The following GRIK2 variants were observed in gnomAD, a reference collection of about 807,000 sequenced individuals.
GRIK2 encodes glutamate ionotropic receptor kainate type subunit 2, also known as glutamate receptor ionotropic, kainate 2.
GRIK2 carries 32 observed loss-of-function variants against 100.3 expected under a neutral mutation model. That is an observed-to-expected ratio of 0.32 (90% CI 0.24 to 0.43). The LOEUF is 0.43. Ranked by LOEUF, GRIK2 falls within the 20% of genes least tolerant of loss-of-function variation. The pLI is 1.00. For missense variants in GRIK2, 843 were observed against 1,114.9 expected, an observed-to-expected ratio of 0.76 and a Z score of 3.47; for synonymous variants, 417 against 389.4, an observed-to-expected ratio of 1.07 and a Z score of -0.83.
intron 12 of GRIK2, among the ~76,000 whole-genome samples, chr6:101,895,747 ATAACT>A (rs1787399224): frequency 6.6e-6 from 1 of 151,782 alleles, no homozygotes; most frequent in East Asian, 1.9e-4. Context: ...TTTCCATAAC[ATAACT>A]TTAGATATAT....
intron 2 of GRIK2, among the ~76,000 whole-genome samples, chr6:101,605,418 T>G (rs1156666447): frequency 6.6e-6 from 1 of 152,008 alleles, no homozygotes; most frequent in Non-Finnish European, 1.5e-5. Context: ...TTTCTTTCCT[T>G]TTTTTCTTCG....
chr6:101,760,027 G>A (rs930157911), intron 7 of GRIK2, among the ~76,000 whole-genome samples: 98 of 137,268 alleles, frequency 7.1e-4, no homozygotes, highest in African/African-American at 2.9e-3. Context: ...CCGCCACCGC[G>A]CCCGGCTAAT....
At chr6:101,498,151 AATG>A (rs1290774034) in intron 2 of GRIK2, among the ~76,000 whole-genome samples, 2 of 149,390 alleles carry the variant, frequency 1.3e-5, no homozygotes, top group African/African-American at 5.0e-5. Context: ...GTTTACTGAG[AATG>A]ATGATTTCCA....
intron 14 of GRIK2, among the ~76,000 whole-genome samples, chr6:101,959,502 A>G (rs1353758529): frequency 1.3e-5 from 2 of 152,120 alleles, no homozygotes; most frequent in Non-Finnish European, 1.5e-5. Flanking sequence ...CTAACAATCT[A>G]TCAATATTGT....
chr6:101,599,469 G>T (rs578676), intron 2 of GRIK2, among the ~76,000 whole-genome samples: 32,158 of 151,376 alleles, frequency 0.21, 4,718 homozygotes, highest in African/African-American at 0.41. Flanking sequence ...ATAGTTGTGT[G>T]TTAGTTTTTT....
chr6:101,549,331 G>C (rs1776399894), intron 2 of GRIK2, among the ~76,000 whole-genome samples: 1 of 151,228 alleles, frequency 6.6e-6, no homozygotes. Context: ...GGGCCAGCCT[G>C]GTAGGGTGGG....
chr6:101,608,006 G>A lies in GRIK2; in HGVS notation c.116-13943G>A, dbSNP rs1473634070. On this transcript the variant is annotated intron_variant, in intron 2 of 16. Coordinates refer to ENST00000369134, the MANE Select transcript of GRIK2 (RefSeq NM_021956.5). ...GCCAGTACCAGCTTGGCTGCAAGCAGAGGACATTTTAAAAGATTATTTTAA... is the reference window on the plus strand; with the variant it reads ...GCCAGTACCAGCTTGGCTGCAAGCAAAGGACATTTTAAAAGATTATTTTAA... Among the ~76,000 whole-genome samples the A allele has an allele frequency of 2.7e-5, 4 of 149,412 alleles. No homozygotes were observed. In the East Asian group the frequency reaches 8.1e-4, roughly 30 times the overall value.
intron 7 of GRIK2, among the ~76,000 whole-genome samples, chr6:101,747,847 A>C (rs1776517099): frequency 6.6e-6 from 1 of 151,670 alleles, no homozygotes; most frequent in Non-Finnish European, 1.5e-5. Context: ...AAAACTGCAA[A>C]ACAGACTTTA....
intron 4 of GRIK2, among the ~76,000 whole-genome samples, chr6:101,655,365 G>C (rs1244517501): frequency 6.6e-6 from 1 of 152,062 alleles, no homozygotes; most frequent in East Asian, 1.9e-4. Flanking sequence ...TATTTTGACA[G>C]ATTTGGCAAA....
At chr6:101,511,530 G>T (rs1196608883) in intron 2 of GRIK2, among the ~76,000 whole-genome samples, 3 of 151,680 alleles carry the variant, frequency 2.0e-5, no homozygotes, top group African/African-American at 7.3e-5. Context: ...AAGCATTTTG[G>T]ACACCCAAAT....
chr6:101,732,523 A>T (rs2128372050), intron 7 of GRIK2, among the ~76,000 whole-genome samples: 1 of 152,240 alleles, frequency 6.6e-6, no homozygotes, highest in South Asian at 2.1e-4. Context: ...ATAAAACTCG[A>T]TTACAAATAA....
intron 14 of GRIK2, among the ~76,000 whole-genome samples, chr6:102,028,703 A>G (rs1769830937): frequency 6.8e-6 from 1 of 148,136 alleles, no homozygotes; most frequent in African/African-American, 2.4e-5. Flanking sequence ...TAATATAACT[A>G]TAAGGATAAT....
Position 102,010,553 on chromosome 6 carries a change from T to G in GRIK2, c.2086-24788T>G, listed in dbSNP as rs537134606. ...CATGTGCCACCATGCCCAGCTAATT[T>G]TTTTGTATTTTTTAGTAGAGGCTGG... On this transcript the variant is annotated intron_variant, in intron 14 of 16. Transcript: ENST00000369134. 4.6e-5 allele frequency among the ~76,000 whole-genome samples: 7 copies of G among 151,934 alleles called. No individual in the cohort carries two copies. In the East Asian group the frequency reaches 1.4e-3, roughly 30 times the overall value.
At chr6:101,537,333 A>G (rs942174466) in intron 2 of GRIK2, among the ~76,000 whole-genome samples, 13 of 151,774 alleles carry the variant, frequency 8.6e-5, no homozygotes, top group African/African-American at 3.1e-4. Context: ...AGATGGGCTC[A>G]TTGTTATTTC....
intron 4 of GRIK2, among the ~76,000 whole-genome samples, chr6:101,663,655 AAAC>A (rs1305922561): frequency 2.0e-5 from 3 of 152,246 alleles, no homozygotes; most frequent in African/African-American, 7.2e-5. Context: ...GACTGATTAT[AAAC>A]AACCATTAAA....
chr6:101,723,438 A>G (rs1774631262), intron 7 of GRIK2, among the ~76,000 whole-genome samples: 1 of 152,028 alleles, frequency 6.6e-6, no homozygotes, highest in African/African-American at 2.4e-5. Flanking sequence ...AAATAATAGT[A>G]GATTGCAAAA....
intron 2 of GRIK2, among the ~76,000 whole-genome samples, chr6:101,439,552 T>C (rs1237683682): frequency 2.0e-5 from 3 of 152,152 alleles, no homozygotes; most frequent in African/African-American, 7.2e-5. Flanking sequence ...CTTAAAGCCA[T>C]GATTTTCTGA....
At position 101,695,115 on chromosome 6, in the gene GRIK2, T is replaced by TA. The variant is rs1468708465; in HGVS notation, c.951+8768dup. Among the ~76,000 whole-genome samples, 20 of 152,178 alleles carry TA rather than the reference T, an allele frequency of 1.3e-4. No homozygotes were observed. In the South Asian group the frequency reaches 4.1e-3, roughly 31 times the overall value. ...AGAATACCTAAGACTAGATAATTAATAAAAAACAGAAATTTATCTCACAAT... is the reference window on the plus strand; with the variant it reads ...AGAATACCTAAGACTAGATAATTAATAAAAAAACAGAAATTTATCTCACAAT... On this transcript the variant is annotated intron_variant, in intron 7 of 16. Transcript: ENST00000369134.
intron 14 of GRIK2, among the ~76,000 whole-genome samples, chr6:101,938,113 A>G (rs985927869): frequency 6.6e-6 from 1 of 151,596 alleles, no homozygotes; most frequent in Non-Finnish European, 1.5e-5. Flanking sequence ...TGAAGATACC[A>G]CATACTAGTT....
Sources: allele counts gnomAD v4.1 joint callset (sites outside exome capture counted in the v4.1 genomes callset), GRCh38; gene constraint gnomAD v4.1.1; transcripts MANE v1.5; gene names NCBI Gene and HGNC (gene_info 2026-07-23, HGNC 2026-07-21).